Variants in KCTD3 observed in about 807,000 individuals in gnomAD.
KCTD3 encodes the protein potassium channel tetramerization domain containing 3.
A neutral mutation model predicts 85.8 loss-of-function variants in KCTD3; 41 were observed. The observed-to-expected ratio is 0.48, with a 90% confidence interval of 0.37 to 0.62. KCTD3 has a LOEUF of 0.62. Among genes scored for constraint, KCTD3 ranks in the 20% least tolerant of loss-of-function variants. The probability of loss-of-function intolerance (pLI) is 0.00; values close to 1 mark genes in which losing one functional copy is unlikely to be tolerated. For synonymous variants in KCTD3, 338 were observed against 345.4 expected (o/e 0.98, Z 0.24); for missense variants, 724 against 989.9 (o/e 0.73, Z 3.60).
At chr1:215,576,059 G>GT in intron 4 of KCTD3, 85 bp downstream of exon 4, 19 of 796,546 alleles carry the variant, frequency 2.4e-5, no homozygotes, top group Admixed American at 6.2e-5. Context: ...GGTTTTTTTT[G>GT]TTTGTTTTTT....
At chr1:215,611,731 ATTCTT>A (rs749502652) in intron 14 of KCTD3, 89 bp from the exon 15 acceptor site, 18 of 781,740 alleles carry the variant, frequency 2.3e-5, no homozygotes, top group South Asian at 3.8e-5. Flanking sequence ...CGTATAAGAA[ATTCTT>A]TTCTTATATT....
chr1:215,604,103 A>G (rs189307967), intron 12 of KCTD3, 29 bp from the exon 13 acceptor site: 2 of 1,555,646 alleles, frequency 1.3e-6, no homozygotes, highest in Admixed American at 2.0e-5. Flanking sequence ...TCCATAATGT[A>G]TCACCTGTCA....
At chr1:215,599,197 A>G (rs1372113449) in intron 10 of KCTD3, among the ~76,000 whole-genome samples, 2 of 152,146 alleles carry the variant, frequency 1.3e-5, no homozygotes, top group Non-Finnish European at 2.9e-5. Flanking sequence ...TTTTTTTCAG[A>G]GAGAATTTTT....
At chr1:215,584,221 A>T (rs1296009606) in intron 8 of KCTD3, among the ~76,000 whole-genome samples, 2 of 152,196 alleles carry the variant, frequency 1.3e-5, no homozygotes, top group Non-Finnish European at 2.9e-5. Context: ...GAACTCAAAA[A>T]CTACTGATGA....
At chr1:215,597,942 GCTTA>G (rs1654671511) in intron 10 of KCTD3, among the ~76,000 whole-genome samples, 1 of 151,948 alleles carries the variant, frequency 6.6e-6, no homozygotes, top group Non-Finnish European at 1.5e-5. Context: ...TGGTCTGTTT[GCTTA>G]CTTACAGAAT....
chr1:215,578,352 A>C (rs6669520), intron 6 of KCTD3, among the ~76,000 whole-genome samples: 3,798 of 152,268 alleles, frequency 0.025, 152 homozygotes, highest in African/African-American at 0.085. Flanking sequence ...TACTACATGA[A>C]GACTAGGTTT....
intron 14 of KCTD3, among the ~76,000 whole-genome samples, chr1:215,610,034 T>C (rs1655168367): frequency 6.6e-6 from 1 of 151,962 alleles, no homozygotes; most frequent in African/African-American, 2.4e-5. Flanking sequence ...AAATTAATTA[T>C]AAAACCCAGT....
chr1:215,616,648 T>C lies in KCTD3; in HGVS notation c.1563-2238T>C, dbSNP rs4655411. Among the ~76,000 whole-genome samples, 586 of 152,110 alleles carry C rather than the reference T, an allele frequency of 3.9e-3. 11 individuals carry two copies. The highest frequency in any genetic ancestry group is 0.026 in the Admixed American group (403 of 15,284). ...GGTGGCACACGCCTGTAATCCCAGC[T>C]ACTCAGGAGGCTGAGGCAGGAGAAT... is the stretch of plus-strand genomic sequence containing the variant. On this transcript the variant is annotated intron_variant, in intron 15 of 17. Transcript: ENST00000259154.
intron 1 of KCTD3, among the ~76,000 whole-genome samples, chr1:215,571,903 T>G (rs1225321634): frequency 6.6e-6 from 1 of 152,220 alleles, no homozygotes; most frequent in Non-Finnish European, 1.5e-5. Flanking sequence ...AGTGCTGGGA[T>G]TACAGGCGTG....
chr1:215,584,385 G>T (rs761502594), intron 8 of KCTD3, among the ~76,000 whole-genome samples: 1 of 152,190 alleles, frequency 6.6e-6, no homozygotes, highest in East Asian at 1.9e-4. Flanking sequence ...ATAAAGTGCA[G>T]CAAGAATAAT....
rs1017036584 is a variant in KCTD3 at position 215,593,413 on chromosome 1, T to A, written c.818-1943T>A. Among the ~76,000 whole-genome samples the A allele has an allele frequency of 4.6e-5, 7 of 152,354 alleles. 1 individual carries two copies. The East Asian group carries it at 9.6e-4, about 21-fold the overall frequency. ...TTTGTTTTGGTTTCTTTTTGTCATG[T>A]ATCGTCTTCTTGCTAGATGCCTTGC... On this transcript the variant is annotated intron_variant, in intron 9 of 17. Transcript: ENST00000259154.
At chr1:215,573,364 C>T (rs1394923292) in intron 1 of KCTD3, among the ~76,000 whole-genome samples, 1 of 152,020 alleles carries the variant, frequency 6.6e-6, no homozygotes, top group Non-Finnish European at 1.5e-5. Context: ...TGGTAGTAAG[C>T]ATGAATTTTT....
intron 14 of KCTD3, among the ~76,000 whole-genome samples, chr1:215,610,197 T>A (rs984324630): frequency 6.6e-6 from 1 of 151,738 alleles, no homozygotes; most frequent in East Asian, 1.9e-4. Flanking sequence ...TTGTAATGGG[T>A]AATGGGGTAA....
chr1:215,597,413 G>A (rs187968570), intron 10 of KCTD3, among the ~76,000 whole-genome samples: 17 of 152,148 alleles, frequency 1.1e-4, no homozygotes, highest in South Asian at 1.0e-3. Context: ...TGCTTCCCAA[G>A]TTGATATTTT....
At chr1:215,599,360 A>T (rs1414039415) in intron 10 of KCTD3, among the ~76,000 whole-genome samples, 2 of 152,238 alleles carry the variant, frequency 1.3e-5, no homozygotes, top group African/African-American at 2.4e-5. Context: ...GACGAAGGTT[A>T]AAACATCCTG....
chr1:215,597,339 T>C (rs1303820044), intron 10 of KCTD3, among the ~76,000 whole-genome samples: 1 of 152,106 alleles, frequency 6.6e-6, no homozygotes, highest in Non-Finnish European at 1.5e-5. Flanking sequence ...TAATAAGGAA[T>C]TAATTGGTAT....
At chr1:215,592,268 G>A (rs1165284821) in intron 9 of KCTD3, among the ~76,000 whole-genome samples, 1 of 152,162 alleles carries the variant, frequency 6.6e-6, no homozygotes, top group Non-Finnish European at 1.5e-5. Context: ...CAGCAAGCCA[G>A]GGGGAATGTG....
At chr1:215,587,758 T>A (rs1660066427) in intron 9 of KCTD3, among the ~76,000 whole-genome samples, 2 of 152,226 alleles carry the variant, frequency 1.3e-5, no homozygotes, top group South Asian at 4.1e-4. Flanking sequence ...TCTTCTTTGA[T>A]TCTTTATCAA....
intron 8 of KCTD3, among the ~76,000 whole-genome samples, chr1:215,583,517 C>T (rs189152126): frequency 8.1e-4 from 124 of 152,244 alleles, no homozygotes; most frequent in African/African-American, 2.7e-3. Flanking sequence ...GTTTTGTCAG[C>T]GGGATCTTTG....
Sources: gnomAD v4.1 joint callset for allele counts (sites outside exome capture counted in the v4.1 genomes callset) on GRCh38, gnomAD v4.1.1 for gene constraint, MANE v1.5 for transcripts, NCBI Gene and HGNC (gene_info 2026-07-23, HGNC 2026-07-21) for gene names.